DHRS7B: variants seen among roughly 807,000 people sequenced by gnomAD.
DHRS7B encodes dehydrogenase/reductase 7B.
In DHRS7B, 24 loss-of-function variants were observed where a neutral mutation model predicts 26.4. The observed-to-expected ratio is 0.91, with a 90% CI of 0.66 to 1.28. The LOEUF is 1.28. Ranked by LOEUF, DHRS7B falls within the 50% of genes most tolerant of loss-of-function variation. The pLI is 0.00. For missense variants in DHRS7B, 368 were observed against 419.4 expected, an observed-to-expected ratio of 0.88 and a Z score of 1.07; for synonymous variants, 142 against 166.4, an observed-to-expected ratio of 0.85 and a Z score of 1.13.
chr17:21,147,978 G>A (rs1973678385), intron 1 of DHRS7B, among the ~76,000 whole-genome samples: 1 of 152,158 alleles, frequency 6.6e-6, no homozygotes, highest in African/African-American at 2.4e-5. Flanking sequence ...GACTCAGGGA[G>A]GCTAAGACAG....
At chr17:21,182,781 A>C (rs990246512) in intron 3 of DHRS7B, among the ~76,000 whole-genome samples, 6 of 152,230 alleles carry the variant, frequency 3.9e-5, no homozygotes, top group African/African-American at 1.4e-4. Context: ...ATACGCTGTT[A>C]AATTCAATTC....
At chr17:21,136,195 G>C (rs546409814) in intron 1 of DHRS7B, among the ~76,000 whole-genome samples, 1 of 152,108 alleles carries the variant, frequency 6.6e-6, no homozygotes, top group African/African-American at 2.4e-5. Flanking sequence ...TCAGCTACTC[G>C]AGAGGCTGAG....
intron 2 of DHRS7B, among the ~76,000 whole-genome samples, chr17:21,174,127 A>G (rs1418006042): frequency 2.6e-5 from 4 of 152,250 alleles, no homozygotes; most frequent in Non-Finnish European, 5.9e-5. Context: ...TGTCAAGTAC[A>G]GCCACTGTTG....
intron 1 of DHRS7B, among the ~76,000 whole-genome samples, chr17:21,138,211 CTTTTTTTTTT>C (rs901329961): frequency 2.6e-5 from 2 of 78,224 alleles, no homozygotes; most frequent in Non-Finnish European, 4.5e-5. Flanking sequence ...ATCCCTCCTT[CTTTTTTTTTT>C]TTTTTTTTTT....
At position 21,150,516 on chromosome 17, in the gene DHRS7B, C is replaced by G. The variant is rs150763632; in HGVS notation, c.21-21502C>G. 3.4e-4 allele frequency among the ~76,000 whole-genome samples: 51 copies of G among 152,236 alleles called. No homozygotes were observed. In the East Asian group the frequency reaches 9.9e-3, roughly 29 times the overall value. The stretch of plus-strand genomic sequence containing the variant: ...CCTGTAATCCCAGCTACTTGGGAGG[C>G]TGGGGCAGGAGAATGTCATGAACCC... On this transcript the variant is annotated intron_variant, in intron 1 of 6. Transcript: ENST00000395511.
At chr17:21,130,283 A>G (rs1314422591) in intron 1 of DHRS7B, among the ~76,000 whole-genome samples, 2 of 152,060 alleles carry the variant, frequency 1.3e-5, no homozygotes, top group East Asian at 1.9e-4. Context: ...CCAGCTACTC[A>G]GGAGGCTGAG....
intron 1 of DHRS7B, among the ~76,000 whole-genome samples, chr17:21,158,806 A>G (rs910669007): frequency 6.6e-6 from 1 of 152,220 alleles, no homozygotes; most frequent in Non-Finnish European, 1.5e-5. Context: ...ATAAAGCTAC[A>G]TTAATCAGGA....
intron 1 of DHRS7B, among the ~76,000 whole-genome samples, chr17:21,148,933 C>T (rs1567619318): frequency 6.6e-6 from 1 of 152,092 alleles, no homozygotes; most frequent in African/African-American, 2.4e-5. Context: ...GAAAACTTTA[C>T]ACAACTTAAG....
At chr17:21,188,115 G>A (rs1354951508) in intron 5 of DHRS7B, among the ~76,000 whole-genome samples, 1 of 152,132 alleles carries the variant, frequency 6.6e-6, no homozygotes, top group Admixed American at 6.5e-5. Flanking sequence ...CTCCCAAAGT[G>A]CTGGGATTAC....
chr17:21,189,093 GGACC>G (rs1974718638), intron 6 of DHRS7B, among the ~76,000 whole-genome samples: 1 of 152,192 alleles, frequency 6.6e-6, no homozygotes, highest in Non-Finnish European at 1.5e-5. Context: ...ATTCAGAACA[GGACC>G]TCTGTGGGCA....
Position 21,135,936 on chromosome 17 carries a change from C to T in DHRS7B, c.20+8945C>T, listed in dbSNP as rs558988906. 5.3e-5 allele frequency among the ~76,000 whole-genome samples: 8 copies of T among 152,220 alleles called. No homozygotes were observed. In the East Asian group the frequency reaches 1.5e-3, roughly 29 times the overall value. On this transcript the variant is annotated intron_variant, in intron 1 of 6. Transcript: ENST00000395511. The stretch of plus-strand genomic sequence containing the variant: ...CTTTTTGCCTTGTGTGTCAGGAATG[C>T]AGTTTATTTTGATGGGCATCTTCTA...
At chr17:21,181,638 G>A (rs1439215264) in intron 3 of DHRS7B, among the ~76,000 whole-genome samples, 4 of 152,178 alleles carry the variant, frequency 2.6e-5, no homozygotes, top group Non-Finnish European at 5.9e-5. Context: ...TTGCATTGGG[G>A]ATTAAGTTTC....
intron 1 of DHRS7B, among the ~76,000 whole-genome samples, chr17:21,161,445 C>G (rs143307798): frequency 6.6e-6 from 1 of 152,282 alleles, no homozygotes; most frequent in African/African-American, 2.4e-5. Context: ...GTATCTAAAA[C>G]TATCCTTCAA....
intron 1 of DHRS7B, among the ~76,000 whole-genome samples, chr17:21,156,223 A>G (rs1222550558): frequency 1.3e-5 from 2 of 152,224 alleles, no homozygotes; most frequent in Non-Finnish European, 2.9e-5. Context: ...TAGTCCAGCT[A>G]AGAAAGTTAG....
At chr17:21,190,059 A>G (rs1265077768) in intron 6 of DHRS7B, among the ~76,000 whole-genome samples, 1 of 152,138 alleles carries the variant, frequency 6.6e-6, no homozygotes, top group Non-Finnish European at 1.5e-5. Flanking sequence ...CTAGCTACTC[A>G]GGAGGCTGAG....
Position 21,141,285 on chromosome 17 carries a change from C to T in DHRS7B, c.20+14294C>T, listed in dbSNP as rs117718507. Among the ~76,000 whole-genome samples the T allele has an allele frequency of 2.4e-4, 37 of 152,220 alleles. No individual in the cohort carries two copies. The East Asian group carries it at 3.9e-3, about 16-fold the overall frequency. On this transcript the variant is annotated intron_variant, in intron 1 of 6. Coordinates refer to ENST00000395511, the MANE Select transcript of DHRS7B (RefSeq NM_015510.5). ...CTTCTCAACTGACAAAACTCAGTCT[C>T]TCATTAACATATGAAAACAGCAGTT...
rs1974426563 is a variant in DHRS7B, at chr17:21,178,218, TTTCTC to T, written c.200-11_200-7del. On this transcript the variant is annotated splice_polypyrimidine_tract_variant and intron_variant, in intron 2 of 6. Transcript: ENST00000395511. Reference sequence around the variant, plus strand: ...GAGGAAGAATGGCTGTCAAGGCTCTTTTCTCTTCCCTTAGAATGTGCAAAAGTCTT... The same window carrying T: ...GAGGAAGAATGGCTGTCAAGGCTCTTTTCCCTTAGAATGTGCAAAAGTCTT... 9.3e-6 allele frequency: 15 copies of T among 1,612,986 alleles called. No homozygotes were observed. Among genetic ancestry groups the T allele is most frequent in the Non-Finnish European group, 1.3e-5 (15 of 1,179,152 alleles).
At chr17:21,140,300 C>T (rs1973465979) in intron 1 of DHRS7B, among the ~76,000 whole-genome samples, 1 of 151,924 alleles carries the variant, frequency 6.6e-6, no homozygotes, top group Admixed American at 6.6e-5. Flanking sequence ...GGAATTACAG[C>T]TGCACCCGGC....
chr17:21,185,839 C>A (rs1974619762), intron 5 of DHRS7B, among the ~76,000 whole-genome samples: 1 of 146,400 alleles, frequency 6.8e-6, no homozygotes, highest in African/African-American at 2.4e-5. Flanking sequence ...AGGCGTGTAC[C>A]AGCACACCTG....
Sources: gnomAD v4.1 joint callset for allele counts (sites outside exome capture counted in the v4.1 genomes callset) on GRCh38, gnomAD v4.1.1 for gene constraint, MANE v1.5 for transcripts, NCBI Gene and HGNC (gene_info 2026-07-23, HGNC 2026-07-21) for gene names.